LMTK2: variants seen among roughly 807,000 people sequenced by gnomAD.
LMTK2 encodes serine/threonine-protein kinase LMTK2.
Under a neutral mutation model 127.5 loss-of-function variants are expected in LMTK2, and 37 were observed. The observed-to-expected ratio is 0.29, with a 90% confidence interval of 0.22 to 0.38. The LOEUF is 0.38. Ranked by LOEUF, LMTK2 falls within the 10% of genes least tolerant of loss-of-function variation. LMTK2 has a pLI of 1.00. For missense variants in LMTK2, 1,694 were observed against 1,920.3 expected, an observed-to-expected ratio of 0.88 and a Z score of 2.20; for synonymous variants, 819 against 810.1, an observed-to-expected ratio of 1.01 and a Z score of -0.19.
chr7:98,142,077 A>C (rs187499404), intron 3 of LMTK2, among the ~76,000 whole-genome samples: 8 of 152,184 alleles, frequency 5.3e-5, no homozygotes, highest in Admixed American at 5.2e-4. Context: ...CCCTTTTTAG[A>C]GTTAGAACTT....
rs755852448 is a variant in LMTK2, at chr7:98,107,245, G to A, written c.68G>A (p.Ser23Asn). ...LLLLVLLIAG[S>N]AGAAPLPQTG... ...CTGCTGGTCCTCCTGATCGCCGGCA[G>A]TGCTGGGGCCGCGCCACTTCCGCAA... Residue 23 changes from serine to asparagine, a missense_variant, in exon 1 of 14, where the codon AGT becomes AAT. Physicochemically the swap from Ser to Asn is conservative, Grantham distance 46. Coordinates refer to ENST00000297293, the MANE Select transcript of LMTK2 (RefSeq NM_014916.4). The A allele has an allele frequency of 1.4e-6, 2 of 1,445,688 alleles. No individual in the cohort carries two copies. Among genetic ancestry groups the A allele is most frequent in the East Asian group, 3.0e-5 (1 of 33,336 alleles). 89.6% of individuals were successfully genotyped at this position (1,445,688 alleles called of 1,614,324 possible).
intron 1 of LMTK2, among the ~76,000 whole-genome samples, chr7:98,132,120 A>G (rs114803676): frequency 0.014 from 2,071 of 152,312 alleles, 50 homozygotes; most frequent in African/African-American, 0.048. Flanking sequence ...AGACAGGACA[A>G]TGGGAGTGTC....
rs199976709 is a variant in LMTK2 at position 98,192,519 on chromosome 7, T to A, written c.2054T>A (p.Phe685Tyr). Residue 685 changes from phenylalanine (F) to tyrosine (Y), a missense_variant, in exon 11 of 14, where the codon TTT (phenylalanine) becomes TAT (tyrosine). This residue lies in a region of LMTK2 where 527 missense variants were observed against 539.8 expected (regional missense o/e 0.98). Coordinates refer to ENST00000297293, the MANE Select transcript of LMTK2 (RefSeq NM_014916.4). ...NPKESVITGH[F>Y]EKEKPRKIFD... ...AAAGAGTCAGTCATAACAGGCCACT[T>A]TGAGAAAGAAAAGCCCCGTAAGATT... is the stretch of plus-strand genomic sequence containing the variant. The A allele has an allele frequency of 1.2e-6, 2 of 1,610,564 alleles. No homozygotes were observed. The highest frequency in any genetic ancestry group is 2.7e-5 in the African/African-American group (2 of 74,752).
chr7:98,140,119 T>C lies in LMTK2; in HGVS notation c.232-1278T>C, dbSNP rs141570932. 3.7e-4 allele frequency among the ~76,000 whole-genome samples: 24 copies of C among 64,220 alleles called. 1 individual carries two copies. The East Asian group carries it at 3.8e-3, about 10-fold the overall frequency. The allele number at this position is 64,220 out of a possible 152,430, so 42.1% of individuals were successfully genotyped here. A position where few individuals can be genotyped will look rare whatever the true frequency, so the allele number is the denominator to read the frequency against. ...CTTTCTTTCTTTCTTTCTTTCTTTC[T>C]TTCTTTCTTTCTTTCTTTCTTTCTT... On this transcript the variant is annotated intron_variant, in intron 2 of 13. Coordinates refer to ENST00000297293, the MANE Select transcript of LMTK2 (RefSeq NM_014916.4).
intron 3 of LMTK2, among the ~76,000 whole-genome samples, chr7:98,144,216 G>A (rs1354696118): frequency 2.0e-5 from 3 of 152,018 alleles, no homozygotes; most frequent in Non-Finnish European, 4.4e-5. Flanking sequence ...GGATCATGAC[G>A]TCAGGAGATT....
At position 98,129,444 on chromosome 7, in the gene LMTK2, C is replaced by T. The variant is rs35321378; in HGVS notation, c.104-7871C>T. ...CCAGGCTGGAGTGCAGTGGTGTGAT[C>T]GTAGCTTACTTCAGCCTTGACCTCC... On this transcript the variant is annotated intron_variant, in intron 1 of 13. Coordinates refer to ENST00000297293, the MANE Select transcript of LMTK2 (RefSeq NM_014916.4). Among the ~76,000 whole-genome samples the T allele has an allele frequency of 3.1e-3, 466 of 152,070 alleles. 1 individual carries two copies. Among genetic ancestry groups the T allele is most frequent in the Middle Eastern group, 0.01 (3 of 294 alleles).
At chr7:98,130,518 G>A (rs1000740424) in intron 1 of LMTK2, among the ~76,000 whole-genome samples, 2 of 152,104 alleles carry the variant, frequency 1.3e-5, no homozygotes, top group Non-Finnish European at 2.9e-5. Context: ...AAATTCATAC[G>A]TGGAAACCCT....
intron 6 of LMTK2, among the ~76,000 whole-genome samples, chr7:98,163,939 G>A (rs985324736): frequency 6.6e-6 from 1 of 152,260 alleles, no homozygotes; most frequent in African/African-American, 2.4e-5. Context: ...CAGGTCAAGA[G>A]CGATTGAATG....
chr7:98,145,172 A>G (rs891355780), intron 3 of LMTK2, among the ~76,000 whole-genome samples: 1 of 152,134 alleles, frequency 6.6e-6, no homozygotes, highest in African/African-American at 2.4e-5. Flanking sequence ...ATTGGTATCA[A>G]TTCAAACTAG....
chr7:98,205,449 C>T lies in LMTK2; in HGVS notation c.4484-15C>T. The T allele has an allele frequency of 1.2e-6, 2 of 1,613,768 alleles. No individual in the cohort carries two copies. Among genetic ancestry groups the T allele is most frequent in the Non-Finnish European group, 1.7e-6 (2 of 1,180,018 alleles). ...AAACCCAGCTTTGTCGTCTCGCTTCCTCTCTCCTCAACAGGAAGCAGCGAA... is the reference window on the plus strand; with the variant it reads ...AAACCCAGCTTTGTCGTCTCGCTTCTTCTCTCCTCAACAGGAAGCAGCGAA... On this transcript the variant is annotated splice_polypyrimidine_tract_variant and intron_variant, in intron 13 of 13. Transcript: ENST00000297293.
chr7:98,186,143 A>G (rs1797429266), intron 8 of LMTK2, among the ~76,000 whole-genome samples: 2 of 150,244 alleles, frequency 1.3e-5, no homozygotes, highest in African/African-American at 4.9e-5. Flanking sequence ...GGCTCACTGC[A>G]ACCTCCGCCT....
chr7:98,182,600 G>A (rs1404681549), intron 7 of LMTK2, among the ~76,000 whole-genome samples: 2 of 152,192 alleles, frequency 1.3e-5, no homozygotes, highest in Non-Finnish European at 2.9e-5. Context: ...TGGTGAGGAC[G>A]TGGAAAAATT....
chr7:98,159,285 A>C (rs1489594363), intron 5 of LMTK2, 53 bp from the exon 6 acceptor site: 1 of 1,165,862 alleles, frequency 8.6e-7, no homozygotes, highest in Non-Finnish European at 1.2e-6. Flanking sequence ...TGTTTGAATA[A>C]TGTTATTATC....
intron 9 of LMTK2, among the ~76,000 whole-genome samples, chr7:98,187,889 A>T (rs1383294946): frequency 6.6e-6 from 1 of 152,062 alleles, no homozygotes; most frequent in Non-Finnish European, 1.5e-5. Flanking sequence ...GAGCCACCGC[A>T]CCTGGCCCAG....
intron 1 of LMTK2, among the ~76,000 whole-genome samples, chr7:98,116,300 G>A (rs1373020340): frequency 6.6e-6 from 1 of 152,188 alleles, no homozygotes; most frequent in Non-Finnish European, 1.5e-5. Flanking sequence ...TATGTCACAG[G>A]TTGTAGATGC....
intron 1 of LMTK2, among the ~76,000 whole-genome samples, chr7:98,116,425 CGTGT>C (rs61569698): frequency 6.1e-5 from 9 of 146,706 alleles, no homozygotes; most frequent in Admixed American, 2.7e-4. Flanking sequence ...TGTGTTTGTG[CGTGT>C]GTGTGTGTGT....
Position 98,207,711 on chromosome 7 carries a change from G to C in LMTK2, c.*2219G>C, listed in dbSNP as rs1797828844. 6.6e-6 allele frequency: 1 copy of C among 152,138 alleles called. No individual in the cohort carries two copies. The highest frequency in any genetic ancestry group is 1.5e-5 in the Non-Finnish European group (1 of 68,034). 9.4% of individuals were successfully genotyped at this position (152,138 alleles called of 1,614,324 possible). On this transcript the variant is annotated 3_prime_UTR_variant, in exon 14 of 14. Coordinates refer to ENST00000297293, the MANE Select transcript of LMTK2 (RefSeq NM_014916.4). ...CAGATTTAATGACCAAAGTCATACA[G>C]ATCATGGAATCTGTCGTCGTCTTAT... is the stretch of plus-strand genomic sequence containing the variant.
chr7:98,141,573 A>G (rs773258519), intron 3 of LMTK2, 32 bp downstream of exon 3: 64 of 1,599,962 alleles, frequency 4.0e-5, no homozygotes, highest in Admixed American at 1.4e-4. Context: ...CCACGTTTTC[A>G]TGAATTGTTT....
At chr7:98,158,741 A>T (rs945394494) in intron 5 of LMTK2, among the ~76,000 whole-genome samples, 9 of 152,192 alleles carry the variant, frequency 5.9e-5, no homozygotes, top group African/African-American at 2.2e-4. Flanking sequence ...TAATGACACC[A>T]TTTTATGTAA....
Sources: gnomAD v4.1 joint callset for allele counts (sites outside exome capture counted in the v4.1 genomes callset) on GRCh38, gnomAD v4.1.1 for gene constraint, gnomAD v4.1.1 regional missense constraint, MANE v1.5 for transcripts, NCBI Gene and HGNC (gene_info 2026-07-23, HGNC 2026-07-21) for gene names.